Variants in CCDC91 observed in about 807,000 individuals in gnomAD.
The protein encoded by CCDC91 is coiled-coil domain-containing protein 91.
Under a neutral mutation model 63.2 loss-of-function variants are expected in CCDC91, and 48 were observed. That is an observed-to-expected ratio of 0.76 (90% confidence interval 0.60 to 0.97). The LOEUF is 0.97. Ranked by LOEUF, CCDC91 falls within the 50% of genes least tolerant of loss-of-function variation. The pLI, the probability that CCDC91 is intolerant of heterozygous loss-of-function variation, is 0.00. For synonymous variants in CCDC91, 167 were observed against 165.8 expected (o/e 1.01, Z -0.06); for missense variants, 500 against 494.6 (o/e 1.01, Z -0.10).
In CCDC91 at chr12:28,324,815, T is replaced by G. The variant is rs148303548; in HGVS notation, c.576+17066T>G. Among the ~76,000 whole-genome samples, 127 of 152,088 alleles carry G rather than the reference T, an allele frequency of 8.4e-4. 3 individuals carry two copies. The highest frequency in any genetic ancestry group is 2.9e-3 in the African/African-American group (122 of 41,540). On this transcript the variant is annotated intron_variant, in intron 6 of 12. Transcript: ENST00000536442. ...GCTCATGTTATTTTTATTTTTTGTTTAGTATCTTACTTTCCATCCCATCTA... is the reference window on the plus strand; with the variant it reads ...GCTCATGTTATTTTTATTTTTTGTTGAGTATCTTACTTTCCATCCCATCTA...
intron 3 of CCDC91, among the ~76,000 whole-genome samples, chr12:28,277,276 A>G (rs985721008): frequency 1.3e-5 from 2 of 152,006 alleles, no homozygotes; most frequent in Non-Finnish European, 2.9e-5. Context: ...CTCATCATGA[A>G]TTCTATAGGT....
chr12:28,277,354 A>G (rs1474910263), intron 3 of CCDC91, among the ~76,000 whole-genome samples: 1 of 151,964 alleles, frequency 6.6e-6, no homozygotes. Flanking sequence ...GGTATGTCAG[A>G]TGTTCTTTAT....
At chr12:28,257,401 A>G (rs1245593281) in intron 2 of CCDC91, among the ~76,000 whole-genome samples, 156 bp downstream of exon 2, 1 of 151,642 alleles carries the variant, frequency 6.6e-6, no homozygotes, top group Non-Finnish European at 1.5e-5. Context: ...AAGAAAAATA[A>G]AAAAAAACCC....
chr12:28,259,458 A>G lies in CCDC91; in HGVS notation c.109+16A>G. 6.9e-7 allele frequency: 1 copy of G among 1,447,240 alleles called. No individual in the cohort carries two copies. Among genetic ancestry groups the G allele is most frequent in the South Asian group, 1.2e-5 (1 of 81,968 alleles). 89.6% of individuals were successfully genotyped at this position (1,447,240 alleles called of 1,614,324 possible). On this transcript the variant is annotated intron_variant, in intron 3 of 12. Transcript: ENST00000536442. ...TTTCCTGCAGGTATTGGTATCCAGGAATTAGGGTTTTTTTTTTTTTTTTTC... is the reference window on the plus strand; with the variant it reads ...TTTCCTGCAGGTATTGGTATCCAGGGATTAGGGTTTTTTTTTTTTTTTTTC...
At chr12:28,542,627 T>C (rs571608275) in intron 12 of CCDC91, among the ~76,000 whole-genome samples, 2 of 152,200 alleles carry the variant, frequency 1.3e-5, no homozygotes, top group African/African-American at 4.8e-5. Context: ...ACTGGCCAGA[T>C]TATGTTGAAT....
intron 6 of CCDC91, among the ~76,000 whole-genome samples, chr12:28,340,090 A>G (rs1220537747): frequency 3.3e-5 from 5 of 152,188 alleles, no homozygotes; most frequent in Non-Finnish European, 7.4e-5. Context: ...CAAAGAGCTT[A>G]TGTTTATTGA....
At chr12:28,271,025 T>C (rs1947732360) in intron 3 of CCDC91, among the ~76,000 whole-genome samples, 1 of 152,018 alleles carries the variant, frequency 6.6e-6, no homozygotes, top group Admixed American at 6.6e-5. Flanking sequence ...AGGATACACT[T>C]TTAAGGGGAG....
chr12:28,278,657 T>C (rs1948403025), intron 3 of CCDC91, among the ~76,000 whole-genome samples: 1 of 152,098 alleles, frequency 6.6e-6, no homozygotes, highest in Non-Finnish European at 1.5e-5. Flanking sequence ...TTGAACTCTT[T>C]ACTTTTCAAT....
intron 3 of CCDC91, among the ~76,000 whole-genome samples, chr12:28,278,606 G>T (rs1948400209): frequency 6.6e-6 from 1 of 152,012 alleles, no homozygotes; most frequent in African/African-American, 2.4e-5. Flanking sequence ...TGTTTATTCA[G>T]TATAGTTAGG....
chr12:28,337,697 A>G (rs1942094289), intron 6 of CCDC91, among the ~76,000 whole-genome samples: 1 of 152,128 alleles, frequency 6.6e-6, no homozygotes, highest in Admixed American at 6.5e-5. Context: ...GAGTTTTAGT[A>G]CTTGAAAGTT....
intron 1 of CCDC91, among the ~76,000 whole-genome samples, chr12:28,219,553 G>A (rs1403729966): frequency 1.4e-5 from 2 of 145,438 alleles, no homozygotes; most frequent in South Asian, 4.3e-4. Flanking sequence ...CTCACTGCAA[G>A]CTCTGCCTCC....
intron 1 of CCDC91, among the ~76,000 whole-genome samples, chr12:28,249,201 GTT>G (rs1945959174): frequency 6.6e-6 from 1 of 152,178 alleles, no homozygotes; most frequent in African/African-American, 2.4e-5. Flanking sequence ...TACTGGGTGT[GTT>G]GGGCAGCACT....
At chr12:28,355,620 A>C (rs900147506) in intron 6 of CCDC91, among the ~76,000 whole-genome samples, 1 of 152,188 alleles carries the variant, frequency 6.6e-6, no homozygotes, top group African/African-American at 2.4e-5. Flanking sequence ...ACATGGATAT[A>C]AAATTGTCAT....
intron 11 of CCDC91, among the ~76,000 whole-genome samples, chr12:28,473,375 T>C (rs1392132850): frequency 6.6e-6 from 1 of 152,204 alleles, no homozygotes; most frequent in Admixed American, 6.6e-5. Flanking sequence ...GCAGTATTCA[T>C]TCAGTAATAC....
chr12:28,347,094 A>T (rs1484679686), intron 6 of CCDC91, among the ~76,000 whole-genome samples: 5 of 152,222 alleles, frequency 3.3e-5, no homozygotes, highest in African/African-American at 9.6e-5. Context: ...CTCACATCAA[A>T]AGAATATACA....
chr12:28,221,860 T>C (rs1943975744), intron 1 of CCDC91, among the ~76,000 whole-genome samples: 1 of 152,184 alleles, frequency 6.6e-6, no homozygotes, highest in South Asian at 2.1e-4. Flanking sequence ...TCTCTGGAGC[T>C]CTATTTCTCA....
intron 3 of CCDC91, among the ~76,000 whole-genome samples, chr12:28,264,999 A>G (rs1947095010): frequency 6.6e-6 from 1 of 152,020 alleles, no homozygotes; most frequent in Non-Finnish European, 1.5e-5. Flanking sequence ...ATTGGCAAAC[A>G]CTTTCATCAG....
chr12:28,477,298 A>G (rs1242460583), intron 11 of CCDC91, among the ~76,000 whole-genome samples: 1 of 152,190 alleles, frequency 6.6e-6, no homozygotes, highest in Non-Finnish European at 1.5e-5. Flanking sequence ...GAACCCTGGG[A>G]TGCAAGGCTG....
intron 1 of CCDC91, among the ~76,000 whole-genome samples, chr12:28,209,269 A>C (rs1262951907): frequency 2.0e-5 from 3 of 152,324 alleles, no homozygotes; most frequent in Non-Finnish European, 4.4e-5. Flanking sequence ...TAAACCTTTT[A>C]TAACCTTTTA....
Sources: allele counts gnomAD v4.1 joint callset (sites outside exome capture counted in the v4.1 genomes callset), GRCh38; gene constraint gnomAD v4.1.1; transcripts MANE v1.5; gene names NCBI Gene and HGNC (gene_info 2026-07-23, HGNC 2026-07-21).